NPFFR2: variants seen among roughly 807,000 people sequenced by gnomAD.
The protein encoded by NPFFR2 is G-protein coupled receptor 74.
NPFFR2 carries 15 observed loss-of-function variants against 13.1 expected under a neutral mutation model. That is an observed-to-expected ratio of 1.15 (90% CI 0.77 to 1.76). The LOEUF (loss-of-function observed/expected upper bound fraction) is 1.76, where lower values mean the gene tolerates loss of function less well. Ranked by LOEUF, NPFFR2 falls within the 40% of genes most tolerant of loss-of-function variation. The pLI is 0.00. For synonymous variants in NPFFR2, 190 were observed against 175.7 expected, an observed-to-expected ratio of 1.08 and a Z score of -0.65; for missense variants, 572 against 503.5, an observed-to-expected ratio of 1.14 and a Z score of -1.30.
intron 3 of NPFFR2, among the ~76,000 whole-genome samples, chr4:72,140,671 T>C (rs1047406354): frequency 2.0e-5 from 3 of 152,222 alleles, no homozygotes; most frequent in African/African-American, 4.8e-5. Context: ...CAGTATTTCA[T>C]TGAGGATTTC....
chr4:72,034,222 G>T (rs1410338689), intron 1 of NPFFR2, among the ~76,000 whole-genome samples: 1 of 152,166 alleles, frequency 6.6e-6, no homozygotes, highest in Non-Finnish European at 1.5e-5. Context: ...ATCTGGATTA[G>T]TCTATTCTCA....
chr4:72,098,118 C>A (rs1035542997), intron 1 of NPFFR2, among the ~76,000 whole-genome samples: 3 of 152,064 alleles, frequency 2.0e-5, no homozygotes, highest in African/African-American at 7.2e-5. Flanking sequence ...AGTAAGAGCT[C>A]AATGAATGTG....
intron 3 of NPFFR2, among the ~76,000 whole-genome samples, chr4:72,141,200 A>G (rs1368777099): frequency 2.0e-5 from 3 of 151,832 alleles, no homozygotes; most frequent in African/African-American, 4.8e-5. Flanking sequence ...TGATCTTTAA[A>G]AAAAAACCAG....
In NPFFR2 at chr4:72,032,209, A is replaced by G. The variant is rs1379684570; in HGVS notation, c.-8+9A>G. The G allele has an allele frequency of 3.8e-6, 6 of 1,595,926 alleles. No homozygotes were observed. Among genetic ancestry groups the G allele is most frequent in the East Asian group, 2.2e-5 (1 of 44,570 alleles). ...AGGGCTCGCCGGGAGAGGTAACAGC[A>G]TGGGCCAGTTTGTCTGGGGGCCCCC... On this transcript the variant is annotated intron_variant, in intron 1 of 3. Transcript: ENST00000308744.
chr4:72,066,594 C>A (rs1279989125), intron 1 of NPFFR2, among the ~76,000 whole-genome samples: 1 of 147,964 alleles, frequency 6.8e-6, no homozygotes. Context: ...AAGTTATGTG[C>A]TTCCAAAATA....
intron 1 of NPFFR2, among the ~76,000 whole-genome samples, chr4:72,056,902 T>C (rs114255156): frequency 0.015 from 2,212 of 151,660 alleles, 20 homozygotes; most frequent in Middle Eastern, 0.061. Context: ...AGATGAGGAG[T>C]TGCTTCTTAT....
At chr4:72,064,335 C>T (rs1162983042) in intron 1 of NPFFR2, among the ~76,000 whole-genome samples, 2 of 152,152 alleles carry the variant, frequency 1.3e-5, no homozygotes, top group Middle Eastern at 3.2e-3. Context: ...CTTCCATGCT[C>T]ACTGGTCATC....
At chr4:72,145,198 G>A (rs1009216759) in intron 3 of NPFFR2, among the ~76,000 whole-genome samples, 58 of 150,186 alleles carry the variant, frequency 3.9e-4, no homozygotes, top group African/African-American at 1.3e-3. Context: ...ATATATGTAT[G>A]TTTACAAATA....
At chr4:72,046,637 T>C (rs1166106479) in intron 1 of NPFFR2, among the ~76,000 whole-genome samples, 1 of 152,094 alleles carries the variant, frequency 6.6e-6, no homozygotes, top group Non-Finnish European at 1.5e-5. Flanking sequence ...AGCAAAGTGC[T>C]GAAAAGGTGG....
chr4:72,083,853 A>G (rs1307741060), intron 1 of NPFFR2, among the ~76,000 whole-genome samples: 1 of 152,182 alleles, frequency 6.6e-6, no homozygotes, highest in African/African-American at 2.4e-5. Context: ...CGGCCAAAAC[A>G]TAACAGGCTT....
chr4:72,088,768 G>A (rs1720836590), intron 1 of NPFFR2, among the ~76,000 whole-genome samples: 1 of 151,968 alleles, frequency 6.6e-6, no homozygotes, highest in South Asian at 2.1e-4. Context: ...CAGCTTGGGG[G>A]AAACTACCCC....
intron 1 of NPFFR2, among the ~76,000 whole-genome samples, chr4:72,098,641 T>C (rs1721138794): frequency 6.6e-6 from 1 of 152,126 alleles, no homozygotes; most frequent in Non-Finnish European, 1.5e-5. Context: ...CTTACAACAA[T>C]AGAATTTTCT....
chr4:72,109,250 A>T (rs559423524), intron 1 of NPFFR2, among the ~76,000 whole-genome samples: 76 of 152,098 alleles, frequency 5.0e-4, no homozygotes, highest in Non-Finnish European at 9.0e-4. Context: ...GAGCTTATTT[A>T]TTTTGCATAA....
intron 1 of NPFFR2, among the ~76,000 whole-genome samples, chr4:72,122,469 A>T (rs1419623681): frequency 1.3e-5 from 2 of 152,178 alleles, no homozygotes; most frequent in Non-Finnish European, 2.9e-5. Context: ...GCACCACGTC[A>T]CACTTATTCT....
At chr4:72,039,572 T>C (rs1719147682) in intron 1 of NPFFR2, among the ~76,000 whole-genome samples, 1 of 152,234 alleles carries the variant, frequency 6.6e-6, no homozygotes, top group Non-Finnish European at 1.5e-5. Flanking sequence ...CCCTCCATGT[T>C]GATTGTTATG....
intron 1 of NPFFR2, among the ~76,000 whole-genome samples, chr4:72,062,081 T>TA (rs932277050): frequency 6.6e-6 from 1 of 151,598 alleles, no homozygotes; most frequent in African/African-American, 2.4e-5. Flanking sequence ...GTACTCAATT[T>TA]TTTTTTTTAT....
At chr4:72,133,781 A>T (rs1245833780) in intron 2 of NPFFR2, among the ~76,000 whole-genome samples, 1 of 152,210 alleles carries the variant, frequency 6.6e-6, no homozygotes, top group East Asian at 1.9e-4. Context: ...TTTGAATGAG[A>T]TTGAGTTCCT....
intron 1 of NPFFR2, among the ~76,000 whole-genome samples, chr4:72,096,214 A>G (rs140704226): frequency 0.011 from 1,649 of 152,300 alleles, 33 homozygotes; most frequent in African/African-American, 0.037. Context: ...GAACGGTACC[A>G]GGTAAATATT....
intron 1 of NPFFR2, among the ~76,000 whole-genome samples, chr4:72,057,279 G>A (rs1029370912): frequency 6.6e-6 from 1 of 151,750 alleles, no homozygotes; most frequent in African/African-American, 2.4e-5. Context: ...GAGTTTCCTA[G>A]GGCTGCTATA....
Sources: allele counts gnomAD v4.1 joint callset (sites outside exome capture counted in the v4.1 genomes callset), GRCh38; gene constraint gnomAD v4.1.1; transcripts MANE v1.5; gene names NCBI Gene and HGNC (gene_info 2026-07-23, HGNC 2026-07-21).